The following ADSL variants were observed in gnomAD, a reference collection of about 807,000 sequenced individuals.
ADSL encodes the protein adenylosuccinase.
Under a neutral mutation model 62.1 loss-of-function variants are expected in ADSL, and 44 were observed. The observed-to-expected ratio is 0.71, with a 90% CI of 0.56 to 0.91. ADSL has a LOEUF of 0.91. ADSL is among the 40% of genes least tolerant of loss of function. ADSL has a pLI of 0.00. For missense variants in ADSL, 531 were observed against 627.4 expected, an observed-to-expected ratio of 0.85 and a Z score of 1.64; for synonymous variants, 198 against 220.5, an observed-to-expected ratio of 0.90 and a Z score of 0.90.
At chr22:40,385,845 G>A (rs1245240000) in intron 2 of ADSL, among the ~76,000 whole-genome samples, 1 of 151,980 alleles carries the variant, frequency 6.6e-6, no homozygotes, top group African/African-American at 2.4e-5. Context: ...AGAAAGAGCA[G>A]AGGAACAACT....
chr22:40,366,132 AG>A (rs1412475547), intron 12 of ADSL, among the ~76,000 whole-genome samples: 1 of 152,052 alleles, frequency 6.6e-6, no homozygotes, highest in African/African-American at 2.4e-5. Flanking sequence ...CTACTTGAAG[AG>A]GGCTGGGAAG....
At chr22:40,350,494 C>G (rs1043326199) in intron 2 of ADSL, among the ~76,000 whole-genome samples, 13 of 152,070 alleles carry the variant, frequency 8.5e-5, no homozygotes, top group Admixed American at 7.9e-4. Flanking sequence ...AGTGTGCTTC[C>G]AATCTAAACT....
chr22:40,353,975 G>A (rs1307631989), intron 3 of ADSL: 16 of 520,236 alleles, frequency 3.1e-5, no homozygotes, highest in Non-Finnish European at 1.0e-5. Context: ...CATGTTGCTG[G>A]GATATGTGGG....
chr22:40,358,843 G>A lies in ADSL; in HGVS notation c.483-21G>A, dbSNP rs1327825376. On this transcript the variant is annotated intron_variant, in intron 4 of 12. Coordinates refer to ENST00000623063, the MANE Select transcript of ADSL (RefSeq NM_000026.4). ...TAAGGTCTCGGTCTGAGACTTTCGT[G>A]TGTTCTCTTTGGGTTTTCAGGCCTG... 3.7e-6 allele frequency: 6 copies of A among 1,613,858 alleles called. No individual in the cohort carries two copies. The African/African-American group carries it at 4.0e-5, about 11-fold the overall frequency.
chr22:40,354,347 CTTGT>C lies in ADSL; in HGVS notation c.482+23_482+26del, dbSNP rs2044468567. 4 of 1,588,878 alleles carry C rather than the reference CTTGT, an allele frequency of 2.5e-6. No individual in the cohort carries two copies. Among genetic ancestry groups the C allele is most frequent in the Non-Finnish European group, 3.5e-6 (4 of 1,157,072 alleles). Reference sequence around the variant, plus strand: ...TTTCCAGTAAGTGATAAGATTACTTCTTGTTTATGTGCATATGGCTTTCAGCTGC... The same window carrying C: ...TTTCCAGTAAGTGATAAGATTACTTCTTATGTGCATATGGCTTTCAGCTGC... On this transcript the variant is annotated intron_variant, in intron 4 of 12. Transcript: ENST00000623063.
At position 40,368,098 on chromosome 22, in the gene ADSL, A is replaced by G. The variant is rs759281875; in HGVS notation, c.*1576A>G. 2 of 152,212 alleles carry G rather than the reference A, an allele frequency of 1.3e-5. No homozygotes were observed. The highest frequency in any genetic ancestry group is 2.9e-5 in the Non-Finnish European group (2 of 68,042). The allele number at this position is 152,212 out of a possible 1,614,324, so 9.4% of individuals were successfully genotyped here. On this transcript the variant is annotated 3_prime_UTR_variant, in exon 13 of 13. Transcript: ENST00000623063. ...GAGGAATGTTAGGGCTCTTTATCCTATACAGAAGAAAACTCCTCGGCACTT... is the reference window on the plus strand; with the variant it reads ...GAGGAATGTTAGGGCTCTTTATCCTGTACAGAAGAAAACTCCTCGGCACTT...
At chr22:40,362,589 C>T (rs1339663129) in intron 9 of ADSL, among the ~76,000 whole-genome samples, 2 of 152,138 alleles carry the variant, frequency 1.3e-5, no homozygotes, top group Non-Finnish European at 2.9e-5. Flanking sequence ...GACTGGCCAG[C>T]CCAGCCCTGG....
At chr22:40,386,486 G>A (rs9611325) in intron 2 of ADSL, among the ~76,000 whole-genome samples, 31,775 of 148,902 alleles carry the variant, frequency 0.21, 3,806 homozygotes, top group Admixed American at 0.38. Context: ...TCAGATTAAA[G>A]TAGTAGAAAT....
rs560833492 is a variant in ADSL, at chr22:40,367,852, G to GA, written c.*1335dup. ...TGAAATGATGTGTCCTAAACTAGAGGAAAAAGTTAATAAAGATCAATGTAA... is the reference window on the plus strand; with the variant it reads ...TGAAATGATGTGTCCTAAACTAGAGGAAAAAAGTTAATAAAGATCAATGTAA... On this transcript the variant is annotated 3_prime_UTR_variant, in exon 13 of 13. Coordinates refer to ENST00000623063, the MANE Select transcript of ADSL (RefSeq NM_000026.4). The GA allele has an allele frequency of 6.6e-6, 1 of 152,264 alleles. No homozygotes were observed. Among genetic ancestry groups the GA allele is most frequent in the Non-Finnish European group, 1.5e-5 (1 of 68,022 alleles). The allele number at this position is 152,264 out of a possible 1,614,324, so 9.4% of individuals were successfully genotyped here.
chr22:40,353,310 C>T lies in ADSL; in HGVS notation c.402+193C>T. 3 of 705,420 alleles carry T rather than the reference C, an allele frequency of 4.3e-6. No individual in the cohort carries two copies. The South Asian group carries it at 4.4e-5, about 10-fold the overall frequency. The allele number at this position is 705,420 out of a possible 1,614,324, so 43.7% of individuals were successfully genotyped here. ...CTTTCTTCTTCTCTTCCTCCTTCTC[C>T]TTTCTTCTTCTTCTTGAGCCAGAGT... On this transcript the variant is annotated intron_variant, in intron 3 of 12. Transcript: ENST00000623063.
At chr22:40,354,606 C>T (rs962245454) in intron 4 of ADSL, among the ~76,000 whole-genome samples, 1 of 152,078 alleles carries the variant, frequency 6.6e-6, no homozygotes, top group Non-Finnish European at 1.5e-5. Flanking sequence ...TGTGGTGGCT[C>T]ATGCCTGTAA....
chr22:40,373,022 A>T (rs2045891415), downstream of ADSL: 1 of 152,222 alleles, frequency 6.6e-6, no homozygotes, highest in Non-Finnish European at 1.5e-5. Flanking sequence ...TTGCCATCAC[A>T]TATTATACAC....
At position 40,358,998 on chromosome 22, in the gene ADSL, C is replaced by T; in HGVS notation, c.617C>T (p.Ala206Val). ...GTAAAGGGTACCACTGGCACTCAGGCCAGTTTCCTGCAGCTCTTTGAGGGA... is the reference window on the plus strand; with the variant it reads ...GTAAAGGGTACCACTGGCACTCAGGTCAGTTTCCTGCAGCTCTTTGAGGGA... Reference protein sequence around the residue: ...RGVKGTTGTQASFLQLFEGDD... With the variant: ...RGVKGTTGTQVSFLQLFEGDD... The change falls in exon 5 of 13, where the codon GCC becomes GTC. Residue 206 changes from alanine (A) to valine (V), a missense_variant. Physicochemically the swap from Ala to Val is moderately conservative, Grantham distance 64 (BLOSUM62 0). Around this residue, in one of 2 missense-constraint regions of ADSL, gnomAD observed 471 missense variants for 592.9 expected, o/e 0.79. Coordinates refer to ENST00000623063, the MANE Select transcript of ADSL (RefSeq NM_000026.4). 1 of 1,614,136 alleles carries T rather than the reference C, an allele frequency of 6.2e-7. No individual in the cohort carries two copies. The highest frequency in any genetic ancestry group is 8.5e-7 in the Non-Finnish European group (1 of 1,180,036).
Position 40,386,916 on chromosome 22 carries a change from A to G in ADSL, c.90-3314A>G, listed in dbSNP as rs139997007. ...AATTCTCTCCTAATTTATCTGTTTA[A>G]TTTTGAATTTTCACACACAAAAAAT... On this transcript the variant is annotated intron_variant, in intron 2 of 2. Transcript: ENST00000498234. 8.5e-5 allele frequency among the ~76,000 whole-genome samples: 13 copies of G among 152,160 alleles called. No individual in the cohort carries two copies. The Middle Eastern group carries it at 0.01, about 119-fold the overall frequency.
chr22:40,371,329 GGTT>G (rs772590735), downstream of ADSL, among the ~76,000 whole-genome samples: 1 of 152,234 alleles, frequency 6.6e-6, no homozygotes, highest in Non-Finnish European at 1.5e-5. Flanking sequence ...ATGTTTCAAA[GGTT>G]GTTTTCAGTG....
chr22:40,380,364 AT>A lies in ADSL; in HGVS notation c.90-9849del, dbSNP rs555526386. 3.5e-3 allele frequency among the ~76,000 whole-genome samples: 474 copies of A among 134,218 alleles called. 3 individuals carry two copies. Among genetic ancestry groups the A allele is most frequent in the African/African-American group, 9.1e-3 (326 of 35,858 alleles). The allele number at this position is 134,218 out of a possible 152,430, so 88.1% of individuals were successfully genotyped here. On this transcript the variant is annotated intron_variant, in intron 2 of 2. Transcript: ENST00000498234. The stretch of plus-strand genomic sequence containing the variant: ...CTTTTTTTAACCATGAATATCTATA[AT>A]TTTTTTTTTTTTTTTTCCTGAGACA...
Position 40,367,059 on chromosome 22 carries a change from TC to T in ADSL, c.*538del, listed in dbSNP as rs1476309194. The T allele has an allele frequency of 6.0e-6, 1 of 166,096 alleles. No homozygotes were observed. The highest frequency in any genetic ancestry group is 2.4e-5 in the African/African-American group (1 of 41,452). 10.3% of individuals were successfully genotyped at this position (166,096 alleles called of 1,614,324 possible). A position where few individuals can be genotyped will look rare whatever the true frequency, so the allele number is the denominator to read the frequency against. On this transcript the variant is annotated 3_prime_UTR_variant, in exon 13 of 13. Transcript: ENST00000623063. ...TGAAGTTGTGCCCAAGCTCATTTCA[TC>T]TTTTGATAAGGCTTATACAGCAGGG...
intron 2 of ADSL, among the ~76,000 whole-genome samples, chr22:40,351,463 C>T (rs544584036): frequency 1.2e-3 from 182 of 152,190 alleles, no homozygotes; most frequent in African/African-American, 3.6e-3. Context: ...TTAGCCACCA[C>T]GCCTGGCAAA....
chr22:40,368,985 T>C lies in ADSL; in HGVS notation c.*2463T>C, dbSNP rs1429790469. On this transcript the variant is annotated 3_prime_UTR_variant, in exon 13 of 13. Coordinates refer to ENST00000623063, the MANE Select transcript of ADSL (RefSeq NM_000026.4). The stretch of plus-strand genomic sequence containing the variant: ...AGTCTGACACAAGGAAATTAAGTCA[T>C]GGGACTCTGACCAGATATTCTGTCT... 1 of 152,204 alleles carries C rather than the reference T, an allele frequency of 6.6e-6. No individual in the cohort carries two copies. Among genetic ancestry groups the C allele is most frequent in the African/African-American group, 2.4e-5 (1 of 41,444 alleles). 9.4% of individuals were successfully genotyped at this position (152,204 alleles called of 1,614,324 possible).
Sources: gnomAD v4.1 joint callset for allele counts (sites outside exome capture counted in the v4.1 genomes callset) on GRCh38, gnomAD v4.1.1 for gene constraint, gnomAD v4.1.1 regional missense constraint, MANE v1.5 for transcripts, NCBI Gene and HGNC (gene_info 2026-07-23, HGNC 2026-07-21) for gene names.